The following AHCTF1 variants were observed in gnomAD, a reference collection of about 807,000 sequenced individuals.
AHCTF1 encodes the protein protein ELYS.
In AHCTF1, 24 loss-of-function variants were observed where a neutral mutation model predicts 248.4. The ratio of observed to expected loss-of-function variants is 0.10; its 90% confidence interval spans 0.07 to 0.14. The LOEUF is 0.14. Ranked by LOEUF, AHCTF1 falls within the 10% of genes least tolerant of loss-of-function variation. The pLI, the probability that AHCTF1 is intolerant of heterozygous loss-of-function variation, is 1.00. For synonymous variants in AHCTF1, 786 were observed against 929.8 expected (o/e 0.85, Z 2.81); for missense variants, 2,206 against 2,636.2 (o/e 0.84, Z 3.57).
intron 31 of AHCTF1, among the ~76,000 whole-genome samples, chr1:246,854,853 C>T (rs1660994259): frequency 6.6e-6 from 1 of 152,190 alleles, no homozygotes; most frequent in African/African-American, 2.4e-5. Context: ...CTTCAGGCAC[C>T]GTCTTGTCTC....
At chr1:246,902,165 T>C (rs1665046987) in intron 8 of AHCTF1, among the ~76,000 whole-genome samples, 1 of 152,014 alleles carries the variant, frequency 6.6e-6, no homozygotes, top group Non-Finnish European at 1.5e-5. Flanking sequence ...GCGATGACAC[T>C]AAAGAAGACA....
intron 21 of AHCTF1, among the ~76,000 whole-genome samples, chr1:246,878,213 C>T (rs1451163467): frequency 3.3e-5 from 5 of 151,496 alleles, no homozygotes; most frequent in African/African-American, 4.9e-5. Flanking sequence ...ACCTGGGCAA[C>T]GTGGTGAGAC....
chr1:246,876,508 T>A (rs996063110), intron 23 of AHCTF1, among the ~76,000 whole-genome samples: 1 of 152,184 alleles, frequency 6.6e-6, no homozygotes, highest in African/African-American at 2.4e-5. Context: ...ACAAGGAGAT[T>A]TTATCATTTT....
chr1:246,899,094 A>T (rs12739487), intron 11 of AHCTF1, among the ~76,000 whole-genome samples: 1 of 152,174 alleles, frequency 6.6e-6, no homozygotes, highest in South Asian at 2.1e-4. Flanking sequence ...CGTCTCAAAA[A>T]GAGAAAAGTA....
At chr1:246,909,638 A>G (rs1665658685) in intron 4 of AHCTF1, among the ~76,000 whole-genome samples, 1 of 152,166 alleles carries the variant, frequency 6.6e-6, no homozygotes, top group South Asian at 2.1e-4. Flanking sequence ...GGCAATTCAG[A>G]TATGCCAAAG....
At chr1:246,865,665 T>C (rs1473099895) in intron 26 of AHCTF1, among the ~76,000 whole-genome samples, 1 of 152,228 alleles carries the variant, frequency 6.6e-6, no homozygotes, top group Non-Finnish European at 1.5e-5. Context: ...TATTTATGAA[T>C]GAATGCTTCT....
intron 12 of AHCTF1, among the ~76,000 whole-genome samples, chr1:246,897,692 T>C (rs1187625448): frequency 6.6e-6 from 1 of 152,110 alleles, no homozygotes; most frequent in Non-Finnish European, 1.5e-5. Flanking sequence ...AAAAATACAT[T>C]ATTACAGGCT....
At chr1:246,929,410 A>AAAAAATAAAAATAAAAAT (rs10666626) in intron 1 of AHCTF1, among the ~76,000 whole-genome samples, 1 of 149,162 alleles carries the variant, frequency 6.7e-6, no homozygotes, top group African/African-American at 2.5e-5. Flanking sequence ...CTCCGTCTCA[A>AAAAAATAAAAATAAAAAT]AAAAATAAAA....
chr1:246,898,439 G>T (rs533721555), intron 11 of AHCTF1, 103 bp from the exon 12 acceptor site: 2 of 1,235,694 alleles, frequency 1.6e-6, no homozygotes, highest in Non-Finnish European at 2.2e-6. Context: ...TTTAAAGATA[G>T]CAAGTGGAAA....
At chr1:246,869,784 T>C (rs995131295) in intron 24 of AHCTF1, among the ~76,000 whole-genome samples, 1 of 152,182 alleles carries the variant, frequency 6.6e-6, no homozygotes, top group Admixed American at 6.5e-5. Context: ...GCCCTGATGA[T>C]GTACAGGGAG....
At chr1:246,853,050 CT>C in intron 32 of AHCTF1, 40 bp downstream of exon 32, 2 of 1,500,094 alleles carry the variant, frequency 1.3e-6, no homozygotes, top group Non-Finnish European at 1.8e-6. Flanking sequence ...TAAACCAAAA[CT>C]GAAAGACTGA....
chr1:246,880,117 G>A (rs1663286245), intron 21 of AHCTF1, among the ~76,000 whole-genome samples: 1 of 151,886 alleles, frequency 6.6e-6, no homozygotes, highest in African/African-American at 2.4e-5. Context: ...TCACACTACT[G>A]GGTACTAAGA....
intron 26 of AHCTF1, among the ~76,000 whole-genome samples, chr1:246,864,610 T>C (rs1000514754): frequency 4.6e-5 from 1 of 21,876 alleles, no homozygotes; most frequent in Non-Finnish European, 6.5e-5. Context: ...CCGAGGCGGG[T>C]GGATCATGAG....
chr1:246,918,404 T>G (rs1478477281), intron 1 of AHCTF1, 27 bp from the exon 2 acceptor site: 1 of 1,593,478 alleles, frequency 6.3e-7, no homozygotes, highest in African/African-American at 1.3e-5. Context: ...AAGAAAACAT[T>G]ATTATGACAC....
intron 26 of AHCTF1, among the ~76,000 whole-genome samples, chr1:246,865,957 T>A (rs956171864): frequency 6.6e-6 from 1 of 151,416 alleles, no homozygotes; most frequent in Non-Finnish European, 1.5e-5. Context: ...TAGAGCTAAT[T>A]TTTTTTTACC....
At chr1:246,910,784 A>AGAG (rs10640263) in intron 4 of AHCTF1, among the ~76,000 whole-genome samples, 91,553 of 151,682 alleles carry the variant, frequency 0.6, 29,854 homozygotes, top group African/African-American at 0.87. Context: ...TTTTCAGAGA[A>AGAG]GAGATTAGAT....
intron 24 of AHCTF1, among the ~76,000 whole-genome samples, chr1:246,872,953 G>A (rs1023804113): frequency 6.6e-6 from 1 of 151,936 alleles, no homozygotes; most frequent in Non-Finnish European, 1.5e-5. Context: ...AATCCAAATC[G>A]CCTCCAGACC....
At chr1:246,910,054 C>T (rs1024884329) in intron 4 of AHCTF1, among the ~76,000 whole-genome samples, 5 of 152,220 alleles carry the variant, frequency 3.3e-5, no homozygotes, top group African/African-American at 1.2e-4. Flanking sequence ...CACTATGTGT[C>T]TCCTGATGTG....
At chr1:246,897,738 T>C (rs1664688141) in intron 12 of AHCTF1, among the ~76,000 whole-genome samples, 1 of 152,040 alleles carries the variant, frequency 6.6e-6, no homozygotes, top group South Asian at 2.1e-4. Flanking sequence ...TTCAGCACTT[T>C]GGGATGCCAA....
Sources: gnomAD v4.1 joint callset for allele counts (sites outside exome capture counted in the v4.1 genomes callset) on GRCh38, gnomAD v4.1.1 for gene constraint, MANE v1.5 for transcripts, NCBI Gene and HGNC (gene_info 2026-07-23, HGNC 2026-07-21) for gene names.